The following TEAD1 variants were observed in gnomAD, a reference collection of about 807,000 sequenced individuals.
The protein encoded by TEAD1 is transcriptional enhancer factor TEF-1.
TEAD1 carries 9 observed loss-of-function variants against 54.9 expected under a neutral mutation model. The observed-to-expected ratio is 0.16, with a 90% CI of 0.10 to 0.29. The LOEUF (loss-of-function observed/expected upper bound fraction) is 0.29, where lower values mean the gene tolerates loss of function less well. Among genes scored for constraint, TEAD1 ranks in the 10% least tolerant of loss-of-function variants. The pLI, the probability that TEAD1 is intolerant of heterozygous loss-of-function variation, is 1.00. For missense variants in TEAD1, 387 were observed against 535.9 expected, an observed-to-expected ratio of 0.72 and a Z score of 2.74; for synonymous variants, 200 against 187.8, an observed-to-expected ratio of 1.07 and a Z score of -0.53.
intron 10 of TEAD1, among the ~76,000 whole-genome samples, chr11:12,905,510 G>A (rs976708566): frequency 1.3e-5 from 2 of 152,200 alleles, no homozygotes; most frequent in Non-Finnish European, 2.9e-5. Context: ...TTAAAATAAA[G>A]GAGGGAAGGC....
At chr11:12,676,744 A>T (rs1390134532) in intron 2 of TEAD1, among the ~76,000 whole-genome samples, 1 of 152,150 alleles carries the variant, frequency 6.6e-6, no homozygotes, top group African/African-American at 2.4e-5. Context: ...CTGTTTCCAT[A>T]AATGGTCACA....
In TEAD1 at chr11:12,779,326, T is replaced by C. The variant is rs1405332999; in HGVS notation, c.202+14892T>C. Among the ~76,000 whole-genome samples the C allele has an allele frequency of 2.6e-5, 4 of 152,198 alleles. No homozygotes were observed. The East Asian group carries it at 5.8e-4, about 22-fold the overall frequency. On this transcript the variant is annotated intron_variant, in intron 3 of 12. Coordinates refer to ENST00000527636, the MANE Select transcript of TEAD1 (RefSeq NM_021961.6). ...CAGGATACAAAATCTGGTTAGCTCA[T>C]TGGCTGATTTATAAGGGGCTTATTA...
chr11:12,863,043 A>G (rs947575188), intron 4 of TEAD1, among the ~76,000 whole-genome samples: 1 of 152,216 alleles, frequency 6.6e-6, no homozygotes, highest in Non-Finnish European at 1.5e-5. Context: ...AAAAAACCCT[A>G]AAAACCTCAT....
At chr11:12,804,336 A>T (rs993789589) in intron 3 of TEAD1, among the ~76,000 whole-genome samples, 2 of 152,226 alleles carry the variant, frequency 1.3e-5, no homozygotes, top group Non-Finnish European at 2.9e-5. Context: ...GGGACCTAGC[A>T]TGGGTTCACC....
rs180923349 is a variant in TEAD1 at position 12,791,107 on chromosome 11, G to A, written c.202+26673G>A. 2.1e-4 allele frequency among the ~76,000 whole-genome samples: 32 copies of A among 152,292 alleles called. No homozygotes were observed. In the East Asian group the frequency reaches 6.0e-3, roughly 28 times the overall value. On this transcript the variant is annotated intron_variant, in intron 3 of 12. Coordinates refer to ENST00000527636, the MANE Select transcript of TEAD1 (RefSeq NM_021961.6). The stretch of plus-strand genomic sequence containing the variant: ...ATGCCCTCATCTCCGTTATGGATTG[G>A]ATGTTAGGACACCCTATAGAGGAGA...
At chr11:12,786,445 A>G (rs1945679059) in intron 3 of TEAD1, among the ~76,000 whole-genome samples, 1 of 152,158 alleles carries the variant, frequency 6.6e-6, no homozygotes. Flanking sequence ...TGGAGTTAGG[A>G]GTAGGATTGC....
intron 3 of TEAD1, among the ~76,000 whole-genome samples, chr11:12,789,077 C>T (rs1945743854): frequency 6.6e-6 from 1 of 152,180 alleles, no homozygotes; most frequent in Non-Finnish European, 1.5e-5. Flanking sequence ...AATTGAGACT[C>T]TTACACACAT....
chr11:12,833,577 C>G (rs1802565468), intron 3 of TEAD1, among the ~76,000 whole-genome samples: 1 of 151,992 alleles, frequency 6.6e-6, no homozygotes, highest in South Asian at 2.1e-4. Context: ...CTCCTGCTTG[C>G]TGAGAGAGCC....
chr11:12,775,819 T>C (rs887551039), intron 3 of TEAD1, among the ~76,000 whole-genome samples: 1 of 152,242 alleles, frequency 6.6e-6, no homozygotes, highest in African/African-American at 2.4e-5. Flanking sequence ...ATGTTACTTT[T>C]GGAATCAGAA....
At position 12,944,389 on chromosome 11, in the gene TEAD1, A is replaced by C. The variant is rs1235676438; in HGVS notation, c.*7167A>C. On this transcript the variant is annotated 3_prime_UTR_variant, in exon 13 of 13. Coordinates refer to ENST00000527636, the MANE Select transcript of TEAD1 (RefSeq NM_021961.6). ...GTACCTTTTTGTTTTAAAATGTTCTAAGTGTTGGCTTTAAAGTGAATTTAT... is the reference window on the plus strand; with the variant it reads ...GTACCTTTTTGTTTTAAAATGTTCTCAGTGTTGGCTTTAAAGTGAATTTAT... The C allele has an allele frequency of 6.6e-6, 1 of 152,530 alleles. No homozygotes were observed. Among genetic ancestry groups the C allele is most frequent in the Non-Finnish European group, 1.5e-5 (1 of 68,004 alleles). The allele number at this position is 152,530 out of a possible 1,614,324, so 9.4% of individuals were successfully genotyped here. A position where few individuals can be genotyped will look rare whatever the true frequency, so the allele number is the denominator to read the frequency against.
At chr11:12,785,239 A>T (rs1029180070) in intron 3 of TEAD1, among the ~76,000 whole-genome samples, 21 of 152,260 alleles carry the variant, frequency 1.4e-4, no homozygotes, top group African/African-American at 4.6e-4. Context: ...TCTCTTAGAC[A>T]CAGAGCTGGA....
chr11:12,790,534 C>T lies in TEAD1; in HGVS notation c.202+26100C>T, dbSNP rs1018800112. Among the ~76,000 whole-genome samples the T allele has an allele frequency of 5.3e-5, 8 of 152,304 alleles. No homozygotes were observed. The East Asian group carries it at 1.4e-3, about 26-fold the overall frequency. On this transcript the variant is annotated intron_variant, in intron 3 of 12. Transcript: ENST00000527636. The stretch of plus-strand genomic sequence containing the variant: ...AGACAATGAATATAATTCTATTAAA[C>T]TTTGACAAATGGGAATAAAGTGAAG...
intron 10 of TEAD1, among the ~76,000 whole-genome samples, chr11:12,915,241 G>A (rs1948689537): frequency 6.6e-6 from 1 of 152,136 alleles, no homozygotes; most frequent in Non-Finnish European, 1.5e-5. Context: ...AATAAAGCTT[G>A]TAACAAAGTT....
chr11:12,818,815 T>G (rs1222673694), intron 3 of TEAD1, among the ~76,000 whole-genome samples: 3 of 152,300 alleles, frequency 2.0e-5, no homozygotes, highest in African/African-American at 7.2e-5. Flanking sequence ...TTATCATGCT[T>G]AGTGGTGGAA....
chr11:12,921,662 C>G (rs1386749809), intron 10 of TEAD1, among the ~76,000 whole-genome samples: 1 of 152,122 alleles, frequency 6.6e-6, no homozygotes, highest in African/African-American at 2.4e-5. Flanking sequence ...AAGGTGTCAG[C>G]AAAGCGAGGC....
intron 2 of TEAD1, among the ~76,000 whole-genome samples, chr11:12,731,347 GTAATTTCACCACTCA>G (rs1564921269): frequency 6.6e-6 from 1 of 152,142 alleles, no homozygotes. Context: ...AGAACTATCC[GTAATTTCACCACTCA>G]TAGATTATTA....
intron 10 of TEAD1, among the ~76,000 whole-genome samples, chr11:12,917,109 A>G (rs543666868): frequency 2.0e-5 from 3 of 152,330 alleles, no homozygotes; most frequent in South Asian, 4.1e-4. Context: ...CAGCAGATAG[A>G]ATATCTTGGA....
intron 2 of TEAD1, among the ~76,000 whole-genome samples, chr11:12,695,886 C>T (rs1212891133): frequency 1.3e-5 from 2 of 152,160 alleles, no homozygotes; most frequent in African/African-American, 2.4e-5. Context: ...TCATGCCGTC[C>T]AAGACCTTGC....
chr11:12,874,583 G>A (rs889668117), intron 5 of TEAD1, among the ~76,000 whole-genome samples: 17 of 152,224 alleles, frequency 1.1e-4, no homozygotes, highest in African/African-American at 3.9e-4. Context: ...AGGAGTTTAT[G>A]CATGACACAG....
Sources: gnomAD v4.1 joint callset for allele counts (sites outside exome capture counted in the v4.1 genomes callset) on GRCh38, gnomAD v4.1.1 for gene constraint, MANE v1.5 for transcripts, NCBI Gene and HGNC (gene_info 2026-07-23, HGNC 2026-07-21) for gene names.